ABI3BP: variants seen among roughly 807,000 people sequenced by gnomAD.
The protein encoded by ABI3BP is target of Nesh-SH3.
In ABI3BP, 216 loss-of-function variants were observed where a neutral mutation model predicts 268.6. The observed-to-expected ratio is 0.80, with a 90% CI of 0.72 to 0.90. The LOEUF is 0.90. Among genes scored for constraint, ABI3BP ranks in the 40% least tolerant of loss-of-function variants. ABI3BP has a pLI of 0.00. For synonymous variants in ABI3BP, 730 were observed against 730.0 expected (o/e 1.00, Z 0.00); for missense variants, 2,090 against 2,182.4 (o/e 0.96, Z 0.84).
intron 1 of ABI3BP, among the ~76,000 whole-genome samples, chr3:100,967,321 G>C (rs964320618): frequency 6.6e-6 from 1 of 151,876 alleles, no homozygotes; most frequent in Non-Finnish European, 1.5e-5. Context: ...GGCCAACATG[G>C]TGAAATATTG....
chr3:100,960,143 G>T (rs986557449), intron 1 of ABI3BP, among the ~76,000 whole-genome samples: 5 of 152,074 alleles, frequency 3.3e-5, no homozygotes, highest in Non-Finnish European at 7.4e-5. Context: ...TGTATAATCA[G>T]ACAATAATTT....
Position 100,770,682 on chromosome 3 carries a change from C to T in ABI3BP, c.4741+61G>A. ...GTCAACGTTGACCCAGGGTACCCCA[C>T]TCCCAGGGTATCTTGTTATCAAAGC... On this transcript the variant is annotated intron_variant, in intron 62 of 67. Coordinates refer to ENST00000471714, the MANE Select transcript of ABI3BP (RefSeq NM_001375547.2). 11 of 1,376,046 alleles carry T rather than the reference C, an allele frequency of 8.0e-6. No homozygotes were observed. In the South Asian group the frequency reaches 2.3e-4, roughly 28 times the overall value. The allele number at this position is 1,376,046 out of a possible 1,614,324, so 85.2% of individuals were successfully genotyped here.
At chr3:100,839,756 T>C (rs1292032855) in intron 23 of ABI3BP, 140 bp from the exon 24 acceptor site, 1 of 936,240 alleles carries the variant, frequency 1.1e-6, no homozygotes, top group Non-Finnish European at 1.7e-6. Context: ...GTTCCCATTT[T>C]CCTTTCTCCT....
At chr3:100,868,395 G>C (rs1003498818) in intron 9 of ABI3BP, among the ~76,000 whole-genome samples, 1 of 152,034 alleles carries the variant, frequency 6.6e-6, no homozygotes, top group South Asian at 2.1e-4. Flanking sequence ...TATTCCCTAA[G>C]GGACAAAATT....
chr3:100,985,473 T>G (rs941635048), intron 1 of ABI3BP, among the ~76,000 whole-genome samples: 7 of 152,178 alleles, frequency 4.6e-5, no homozygotes, highest in African/African-American at 1.7e-4. Context: ...TTATCAGGAC[T>G]GTATCATCAG....
chr3:100,821,681 C>T (rs144383737), intron 38 of ABI3BP, among the ~76,000 whole-genome samples: 1,928 of 148,636 alleles, frequency 0.013, 39 homozygotes, highest in African/African-American at 0.045. Context: ...CGGCTCACTG[C>T]AACCTCCACC....
Position 100,834,746 on chromosome 3 carries a change from G to A in ABI3BP, c.2219C>T (p.Thr740Ile). Reference sequence around the variant, plus strand: ...TTTATGTTTGGGACGTGGACGACGTGTTCTTGTTCGTTGCGATGTTTTTGG... The same window carrying A: ...TTTATGTTTGGGACGTGGACGACGTATTCTTGTTCGTTGCGATGTTTTTGG... ...LAPKTSQRTR[T>I]RRPRPKHKTT... Residue 740 changes from threonine (T) to isoleucine (I), a missense_variant, in exon 29 of 68, where the codon ACA (threonine) becomes ATA (isoleucine). Physicochemically the swap from Thr to Ile is moderately conservative, Grantham distance 89 (BLOSUM62 -1). Coordinates refer to ENST00000471714, the MANE Select transcript of ABI3BP (RefSeq NM_001375547.2). 1 of 1,535,660 alleles carries A rather than the reference G, an allele frequency of 6.5e-7. No homozygotes were observed. The highest frequency in any genetic ancestry group is 8.7e-7 in the Non-Finnish European group (1 of 1,146,520).
At chr3:100,834,536 C>T (rs925899416) in intron 29 of ABI3BP, 148 bp downstream of exon 29, 16 of 654,916 alleles carry the variant, frequency 2.4e-5, no homozygotes, top group Middle Eastern at 3.7e-4. Context: ...ACAGGTATCG[C>T]CAGAGCACTG....
chr3:100,760,681 A>C (rs1280467619), intron 63 of ABI3BP, among the ~76,000 whole-genome samples: 1 of 152,192 alleles, frequency 6.6e-6, no homozygotes, highest in Non-Finnish European at 1.5e-5. Context: ...CCCAATAAGC[A>C]GTGGTGTAAG....
chr3:100,845,732 G>A (rs1290017612), intron 20 of ABI3BP, among the ~76,000 whole-genome samples: 1 of 151,274 alleles, frequency 6.6e-6, no homozygotes, highest in African/African-American at 2.4e-5. Context: ...ATGGATTACA[G>A]ATAGATAAAA....
intron 6 of ABI3BP, among the ~76,000 whole-genome samples, chr3:100,879,029 C>G (rs191133118): frequency 1.2e-4 from 19 of 152,270 alleles, no homozygotes; most frequent in Non-Finnish European, 4.4e-5. Flanking sequence ...TGTGGCAAGG[C>G]ATTTGAAATT....
At chr3:100,856,459 G>A (rs2098941158) in intron 14 of ABI3BP, among the ~76,000 whole-genome samples, 1 of 152,172 alleles carries the variant, frequency 6.6e-6, no homozygotes. Context: ...TCTGTCAAGG[G>A]AAGTCTCTAC....
At chr3:100,966,274 C>A (rs148659132) in intron 1 of ABI3BP, among the ~76,000 whole-genome samples, 2 of 152,336 alleles carry the variant, frequency 1.3e-5, no homozygotes, top group African/African-American at 4.8e-5. Flanking sequence ...GATCATCTAG[C>A]TAACAGGGTA....
chr3:100,870,272 T>C (rs955385962), intron 9 of ABI3BP, among the ~76,000 whole-genome samples: 10 of 152,088 alleles, frequency 6.6e-5, no homozygotes, highest in African/African-American at 2.4e-4. Flanking sequence ...ACCACATGTA[T>C]CTGATAAAGG....
chr3:100,787,427 G>A (rs903416376), intron 57 of ABI3BP, among the ~76,000 whole-genome samples: 7 of 152,068 alleles, frequency 4.6e-5, no homozygotes, highest in African/African-American at 1.7e-4. Context: ...TTTGAAATTA[G>A]GGGAAATAGC....
chr3:100,828,424 A>G lies in ABI3BP; in HGVS notation c.2571T>C (p.Ser857=). Residue 857 remains serine (S), a synonymous_variant, in exon 34 of 68, where the codon TCT becomes TCC. Coordinates refer to ENST00000471714, the MANE Select transcript of ABI3BP (RefSeq NM_001375547.2). ...TTGTCCCTGGAGCCTCTTTTATAGG[A>G]GAAACTGGTTCAAAGATTGTAGCAG... ...LVPATIFEPV[S]PIKEAPGTTF... 1 of 1,535,468 alleles carries G rather than the reference A, an allele frequency of 6.5e-7. No individual in the cohort carries two copies. The highest frequency in any genetic ancestry group is 8.7e-7 in the Non-Finnish European group (1 of 1,146,460).
In ABI3BP at chr3:100,808,160, C is replaced by T. The variant is rs764780321; in HGVS notation, c.3682+1G>A. The T allele has an allele frequency of 1.2e-5, 19 of 1,610,154 alleles. No homozygotes were observed. Among genetic ancestry groups the T allele is most frequent in the Non-Finnish European group, 1.5e-5 (18 of 1,177,710 alleles). On this transcript the variant is annotated splice_donor_variant, in intron 50 of 67. Coordinates refer to ENST00000471714, the MANE Select transcript of ABI3BP (RefSeq NM_001375547.2). LOFTEE classifies it high-confidence loss of function. ...AGCTAAAATGTAAAATATATATTTACCTGGTTGTGTTTGTGGGATTCTTGG... is the reference window on the plus strand; with the variant it reads ...AGCTAAAATGTAAAATATATATTTATCTGGTTGTGTTTGTGGGATTCTTGG...
At chr3:100,964,107 C>T (rs997355632) in intron 1 of ABI3BP, among the ~76,000 whole-genome samples, 5 of 152,074 alleles carry the variant, frequency 3.3e-5, no homozygotes, top group South Asian at 2.1e-4. Context: ...AGCCCCAAGT[C>T]GTTTTGTAGC....
chr3:100,811,308 A>T, intron 47 of ABI3BP, 31 bp from the exon 48 acceptor site: 1 of 1,484,482 alleles, frequency 6.7e-7, no homozygotes, highest in Non-Finnish European at 9.0e-7. Context: ...AAAATTTTAG[A>T]AACTGTAAGA....
Sources: allele counts gnomAD v4.1 joint callset (sites outside exome capture counted in the v4.1 genomes callset), GRCh38; gene constraint gnomAD v4.1.1; transcripts MANE v1.5; gene names NCBI Gene and HGNC (gene_info 2026-07-23, HGNC 2026-07-21).